The following AKAP6 variants were observed in gnomAD, a reference collection of about 807,000 sequenced individuals.
AKAP6 encodes A-kinase anchor protein 6.
Under a neutral mutation model 188.5 loss-of-function variants are expected in AKAP6, and 58 were observed. The observed-to-expected ratio is 0.31, with a 90% CI of 0.25 to 0.38. AKAP6 has a LOEUF of 0.38. Among genes scored for constraint, AKAP6 ranks in the 10% least tolerant of loss-of-function variants. The pLI is 1.00. For synonymous variants in AKAP6, 989 were observed against 998.6 expected, an observed-to-expected ratio of 0.99 and a Z score of 0.18; for missense variants, 2,710 against 2,740.0, an observed-to-expected ratio of 0.99 and a Z score of 0.24.
chr14:32,640,426 TA>T (rs1887703700), intron 7 of AKAP6, among the ~76,000 whole-genome samples: 1 of 152,192 alleles, frequency 6.6e-6, no homozygotes, highest in South Asian at 2.1e-4. Flanking sequence ...TGAGTTCTGT[TA>T]TTTCTTTTTG....
chr14:32,513,981 A>G (rs1009979951), intron 2 of AKAP6, among the ~76,000 whole-genome samples: 2 of 152,114 alleles, frequency 1.3e-5, no homozygotes, highest in Non-Finnish European at 2.9e-5. Context: ...TGTTAAACTC[A>G]TCTCTCTTTT....
At chr14:32,800,061 C>G (rs111286722) in intron 12 of AKAP6, among the ~76,000 whole-genome samples, 5 of 136,942 alleles carry the variant, frequency 3.7e-5, no homozygotes, top group African/African-American at 8.0e-5. Context: ...CTCTCTCTCT[C>G]TATATATATA....
At chr14:32,467,755 C>T (rs1196587034) in intron 2 of AKAP6, among the ~76,000 whole-genome samples, 2 of 152,054 alleles carry the variant, frequency 1.3e-5, no homozygotes, top group Admixed American at 1.3e-4. Context: ...AGAAGTTGGT[C>T]TGTAATTCCT....
intron 9 of AKAP6, among the ~76,000 whole-genome samples, chr14:32,698,806 A>G (rs1434331961): frequency 6.6e-6 from 1 of 152,192 alleles, no homozygotes; most frequent in Non-Finnish European, 1.5e-5. Flanking sequence ...ATCAAGGATG[A>G]AAATGAAGCT....
chr14:32,500,232 T>A (rs1351954770), intron 2 of AKAP6, among the ~76,000 whole-genome samples: 1 of 152,174 alleles, frequency 6.6e-6, no homozygotes, highest in Non-Finnish European at 1.5e-5. Flanking sequence ...TAAGCAATGA[T>A]CTTGCTAACA....
In AKAP6 at chr14:32,462,234, A is replaced by C. The variant is rs1162678465; in HGVS notation, c.324+28417A>C. Among the ~76,000 whole-genome samples the C allele has an allele frequency of 3.3e-5, 5 of 152,116 alleles. No homozygotes were observed. The South Asian group carries it at 1.0e-3, about 32-fold the overall frequency. On this transcript the variant is annotated intron_variant, in intron 2 of 13. Transcript: ENST00000280979. ...AAATTCAGGAAATACAGAGAATACC[A>C]CTAAGATACTCCTTGAGAAGAGCAA...
At chr14:32,647,749 C>T (rs969411775) in intron 7 of AKAP6, among the ~76,000 whole-genome samples, 6 of 152,074 alleles carry the variant, frequency 3.9e-5, no homozygotes, top group Non-Finnish European at 8.8e-5. Context: ...GCAATTGAAA[C>T]ACAGGACTTC....
intron 4 of AKAP6, among the ~76,000 whole-genome samples, chr14:32,564,964 A>C (rs1884121861): frequency 6.6e-6 from 1 of 152,232 alleles, no homozygotes; most frequent in Admixed American, 6.5e-5. Context: ...AGAGTTTCAC[A>C]GTTGATTTTG....
chr14:32,499,070 T>G (rs1328054249), intron 2 of AKAP6, among the ~76,000 whole-genome samples: 22 of 151,816 alleles, frequency 1.4e-4, no homozygotes, highest in Non-Finnish European at 2.1e-4. Flanking sequence ...GTTGAACAAA[T>G]AAATGAATGA....
At position 32,824,827 on chromosome 14, in the gene AKAP6, C is replaced by A; in HGVS notation, c.*42+12C>A. On this transcript the variant is annotated intron_variant, in intron 13 of 13. Coordinates refer to ENST00000280979, the MANE Select transcript of AKAP6 (RefSeq NM_004274.5). ...CATCTCACTGAAAGGTACGTATAGT[C>A]CTCATGCCGTATATGTATTTAAAAT... 6.5e-7 allele frequency: 1 copy of A among 1,541,304 alleles called. No individual in the cohort carries two copies. Among genetic ancestry groups the A allele is most frequent in the South Asian group, 1.3e-5 (1 of 77,724 alleles).
intron 11 of AKAP6, among the ~76,000 whole-genome samples, chr14:32,747,400 T>C (rs1173426190): frequency 6.6e-6 from 1 of 152,172 alleles, no homozygotes; most frequent in Non-Finnish European, 1.5e-5. Context: ...AGTCTAACCA[T>C]AACAAAAGCA....
At chr14:32,349,835 T>C (rs8020364) in intron 1 of AKAP6, among the ~76,000 whole-genome samples, 57,501 of 151,954 alleles carry the variant, frequency 0.38, 12,141 homozygotes, top group African/African-American at 0.58. Flanking sequence ...TTTAGATGTG[T>C]GTTAGTGAGT....
intron 2 of AKAP6, among the ~76,000 whole-genome samples, chr14:32,521,619 C>T (rs1331214750): frequency 6.6e-6 from 1 of 152,122 alleles, no homozygotes. Flanking sequence ...ACCTAGGAAT[C>T]CAACTTACAA....
intron 7 of AKAP6, among the ~76,000 whole-genome samples, chr14:32,625,270 A>G (rs556146609): frequency 3.9e-5 from 6 of 152,194 alleles, no homozygotes; most frequent in African/African-American, 1.4e-4. Context: ...GTTAAGCTCA[A>G]TTACACATCC....
At chr14:32,505,925 A>G (rs768202694) in intron 2 of AKAP6, among the ~76,000 whole-genome samples, 8 of 152,266 alleles carry the variant, frequency 5.3e-5, no homozygotes, top group South Asian at 2.1e-4. Flanking sequence ...GGCAAAAATT[A>G]TTAAGGGTCA....
chr14:32,332,304 C>G (rs1886558531), intron 1 of AKAP6, among the ~76,000 whole-genome samples: 1 of 152,068 alleles, frequency 6.6e-6, no homozygotes, highest in South Asian at 2.1e-4. Context: ...TATACTCTAT[C>G]ACACGTACCC....
At chr14:32,743,202 G>A (rs1268045008) in intron 11 of AKAP6, among the ~76,000 whole-genome samples, 1 of 151,560 alleles carries the variant, frequency 6.6e-6, no homozygotes, top group Non-Finnish European at 1.5e-5. Flanking sequence ...CTCTTTTTTG[G>A]TTTCCACTGG....
rs532394295 is a variant in AKAP6 at position 32,520,958 on chromosome 14, C to T, written c.325-14596C>T. Among the ~76,000 whole-genome samples, 168 of 152,216 alleles carry T rather than the reference C, an allele frequency of 1.1e-3. 1 individual carries two copies. In the South Asian group the frequency reaches 0.026, roughly 23 times the overall value. On this transcript the variant is annotated intron_variant, in intron 2 of 13. Transcript: ENST00000280979. ...AATCCTCAATAAAATACTGGCAAAC[C>T]GAATCCAGCAGCACATCAAAACACT...
At position 32,485,456 on chromosome 14, in the gene AKAP6, A is replaced by G. The variant is rs544106654; in HGVS notation, c.325-50098A>G. ...AGTGTAAAAGCATTCCTATTTCTCC[A>G]TAGCCTCACCAGCATCTGTTGTTTC... On this transcript the variant is annotated intron_variant, in intron 2 of 13. Transcript: ENST00000280979. Among the ~76,000 whole-genome samples, 19 of 152,250 alleles carry G rather than the reference A, an allele frequency of 1.2e-4. No individual in the cohort carries two copies. The East Asian group carries it at 1.9e-3, about 16-fold the overall frequency.
Sources: allele counts gnomAD v4.1 joint callset (sites outside exome capture counted in the v4.1 genomes callset), GRCh38; gene constraint gnomAD v4.1.1; transcripts MANE v1.5; gene names NCBI Gene and HGNC (gene_info 2026-07-23, HGNC 2026-07-21).